CSRP3: variants seen among roughly 807,000 people sequenced by gnomAD.
The protein encoded by CSRP3 is cysteine and glycine-rich protein 3.
In CSRP3, 24 loss-of-function variants were observed where a neutral mutation model predicts 24.3. The observed-to-expected ratio is 0.99, with a 90% confidence interval of 0.71 to 1.39. The LOEUF is 1.39. CSRP3 is among the 40% of genes most tolerant of loss of function. CSRP3 has a pLI of 0.00. For synonymous variants in CSRP3, 105 were observed against 94.0 expected (o/e 1.12, Z -0.68); for missense variants, 240 against 249.0 (o/e 0.96, Z 0.24).
chr11:19,192,591 A>G, intron 1 of CSRP3, 115 bp from the exon 2 acceptor site: 2 of 707,032 alleles, frequency 2.8e-6, no homozygotes, highest in South Asian at 1.5e-5. Context: ...TTAGTGTTTC[A>G]TTTATTCATT....
chr11:19,183,378 T>C (rs1049712326), intron 5 of CSRP3, among the ~76,000 whole-genome samples: 3 of 152,086 alleles, frequency 2.0e-5, no homozygotes, highest in African/African-American at 7.2e-5. Context: ...ACAGAACCAC[T>C]TGCAGTACCT....
At chr11:19,200,291 C>T (rs1019001247) in intron 1 of CSRP3, among the ~76,000 whole-genome samples, 1 of 152,202 alleles carries the variant, frequency 6.6e-6, no homozygotes, top group Non-Finnish European at 1.5e-5. Context: ...AAGTGATATT[C>T]AGAGCTATAA....
chr11:19,197,354 C>A, intron 1 of CSRP3, among the ~76,000 whole-genome samples: 1 of 46,714 alleles, frequency 2.1e-5, no homozygotes. Flanking sequence ...CCCTCCCTCC[C>A]TCCCTCCCTC....
chr11:19,200,859 C>T (rs535722209), intron 1 of CSRP3, among the ~76,000 whole-genome samples: 1 of 152,314 alleles, frequency 6.6e-6, no homozygotes, highest in South Asian at 2.1e-4. Flanking sequence ...GTGCTGTTCA[C>T]TTATACCCTT....
At chr11:19,200,839 C>T (rs1204967437) in intron 1 of CSRP3, among the ~76,000 whole-genome samples, 1 of 152,216 alleles carries the variant, frequency 6.6e-6, no homozygotes, top group Admixed American at 6.5e-5. Flanking sequence ...TCCCCAATTT[C>T]CCACTCTTCG....
At chr11:19,191,413 G>C (rs1035712165) in intron 2 of CSRP3, among the ~76,000 whole-genome samples, 10 of 152,136 alleles carry the variant, frequency 6.6e-5, no homozygotes, top group African/African-American at 2.4e-4. Flanking sequence ...TCGGGGAGGG[G>C]GCTCGCCAAA....
In CSRP3 at chr11:19,192,353, C is replaced by T. The variant is rs1565053085; in HGVS notation, c.96G>A (p.Lys32=). The T allele has an allele frequency of 1.2e-6, 2 of 1,614,064 alleles. No homozygotes were observed. The highest frequency in any genetic ancestry group is 2.2e-5 in the South Asian group (2 of 91,076). Residue 32 remains lysine (K), a synonymous_variant, in exon 2 of 6, where the codon AAG becomes AAA. Transcript: ENST00000265968. The part of the protein sequence containing the change: ...EIQCNGRSFH[K]TCFHCMACRK... ...CCAACTCACTGCAGTGGAAACACGT[C>T]TTGTGGAAACTCCTTCCATTGCACT... is the stretch of plus-strand genomic sequence containing the variant.
At chr11:19,186,600 G>A (rs1195589793) in intron 3 of CSRP3, among the ~76,000 whole-genome samples, 1 of 152,176 alleles carries the variant, frequency 6.6e-6, no homozygotes, top group East Asian at 1.9e-4. Context: ...TGGGTTTAGA[G>A]CTTTCCTTTT....
rs778831593 is a variant in CSRP3 at position 19,186,200 on chromosome 11, A to G, written c.414+16T>C. On this transcript the variant is annotated intron_variant, in intron 4 of 5. Transcript: ENST00000265968. ...GAGATGAGCAAATTCTGTCTGGCTC[A>G]TACAGAAGGTCTTACCTTGCCACCT... 2.0e-5 allele frequency: 32 copies of G among 1,614,052 alleles called. No individual in the cohort carries two copies. The highest frequency in any genetic ancestry group is 2.7e-5 in the Non-Finnish European group (32 of 1,180,022).
In CSRP3 at chr11:19,186,233, C is replaced by T; in HGVS notation, c.397G>A (p.Val133Ile). 2 of 1,614,202 alleles carry T rather than the reference C, an allele frequency of 1.2e-6. No homozygotes were observed. Among genetic ancestry groups the T allele is most frequent in the Non-Finnish European group, 1.7e-6 (2 of 1,180,030 alleles). ...GGTCTTACCTTGCCACCTCCCATAA[C>T]CTTCTCAGCAGCATAGACTGACTTG... is the stretch of plus-strand genomic sequence containing the variant. Reference protein sequence around the residue: ...CGKSVYAAEKVMGGGKPWHKT... With the variant: ...CGKSVYAAEKIMGGGKPWHKT... Residue 133 changes from valine (V) to isoleucine (I), a missense_variant, in exon 4 of 6, where the codon GTT (valine) becomes ATT (isoleucine). By Grantham distance (29) the Val-to-Ile change is conservative. Transcript: ENST00000265968.
At chr11:19,194,261 T>C (rs1343729372) in intron 1 of CSRP3, among the ~76,000 whole-genome samples, 1 of 152,190 alleles carries the variant, frequency 6.6e-6, no homozygotes, top group Non-Finnish European at 1.5e-5. Flanking sequence ...TATCTAAATA[T>C]TCCCCCAAAG....
intron 2 of CSRP3, among the ~76,000 whole-genome samples, chr11:19,188,602 G>A (rs1850568230): frequency 1.4e-5 from 2 of 144,464 alleles, no homozygotes; most frequent in Admixed American, 1.4e-4. Flanking sequence ...CTTCCCAAAT[G>A]ACATCAGGGA....
At chr11:19,199,966 T>G (rs1316000592) in intron 1 of CSRP3, among the ~76,000 whole-genome samples, 1 of 152,258 alleles carries the variant, frequency 6.6e-6, no homozygotes, top group Non-Finnish European at 1.5e-5. Context: ...TTGTATTTCC[T>G]GTGTGTTATA....
At chr11:19,197,554 T>TCTTTCTTC in intron 1 of CSRP3, among the ~76,000 whole-genome samples, 1 of 140,018 alleles carries the variant, frequency 7.1e-6, no homozygotes, top group Non-Finnish European at 1.5e-5. Flanking sequence ...TTTCTTTCTT[T>TCTTTCTTC]CTTTCTTTCT....
At chr11:19,200,312 C>A (rs1850815231) in intron 1 of CSRP3, among the ~76,000 whole-genome samples, 1 of 152,174 alleles carries the variant, frequency 6.6e-6, no homozygotes, top group South Asian at 2.1e-4. Context: ...TTTGAACGGG[C>A]TCTATAACTG....
chr11:19,194,616 T>C (rs950018760), intron 1 of CSRP3, among the ~76,000 whole-genome samples: 1 of 152,196 alleles, frequency 6.6e-6, no homozygotes, highest in Non-Finnish European at 1.5e-5. Flanking sequence ...TCAGGAGTTC[T>C]AGGCTTCAAT....
At chr11:19,198,185 A>T (rs1850773692) in intron 1 of CSRP3, among the ~76,000 whole-genome samples, 2 of 152,234 alleles carry the variant, frequency 1.3e-5, no homozygotes, top group Non-Finnish European at 1.5e-5. Context: ...AAGAGAACTG[A>T]AGAGCTTAAG....
chr11:19,197,249 C>A (rs976863632), intron 1 of CSRP3, among the ~76,000 whole-genome samples: 10 of 152,096 alleles, frequency 6.6e-5, no homozygotes, highest in Non-Finnish European at 1.0e-4. Context: ...GGTTCTCCCA[C>A]AATTTTAAGT....
chr11:19,192,714 A>G (rs1016215423), intron 1 of CSRP3, among the ~76,000 whole-genome samples: 2 of 152,204 alleles, frequency 1.3e-5, no homozygotes, highest in Non-Finnish European at 2.9e-5. Flanking sequence ...GTTAAATTTC[A>G]GTAACATCTA....
Sources: allele counts gnomAD v4.1 joint callset (sites outside exome capture counted in the v4.1 genomes callset), GRCh38; gene constraint gnomAD v4.1.1; transcripts MANE v1.5; gene names NCBI Gene and HGNC (gene_info 2026-07-23, HGNC 2026-07-21).